MRPS27: variants seen among roughly 807,000 people sequenced by gnomAD.
MRPS27 encodes small ribosomal subunit protein mS27.
Under a neutral mutation model 48.9 loss-of-function variants are expected in MRPS27, and 43 were observed. The observed-to-expected ratio is 0.88, with a 90% CI of 0.69 to 1.13. The LOEUF is 1.13. Ranked by LOEUF, MRPS27 falls within the 50% of genes most tolerant of loss-of-function variation. The pLI is 0.00. For synonymous variants in MRPS27, 188 were observed against 171.9 expected (o/e 1.09, Z -0.73); for missense variants, 467 against 476.3 (o/e 0.98, Z 0.18).
intron 4 of MRPS27, among the ~76,000 whole-genome samples, chr5:72,247,719 C>T (rs1748544032): frequency 6.6e-6 from 1 of 152,174 alleles, no homozygotes; most frequent in Non-Finnish European, 1.5e-5. Context: ...CAGTGCAATT[C>T]ATCTTATATC....
At chr5:72,259,468 C>CA (rs11286212) in intron 4 of MRPS27, among the ~76,000 whole-genome samples, 7,506 of 127,728 alleles carry the variant, frequency 0.059, 285 homozygotes, top group African/African-American at 0.11. Context: ...AACTTCGTCT[C>CA]AAAAAAAAAA....
chr5:72,318,537 G>A (rs192649263), intron 1 of MRPS27, among the ~76,000 whole-genome samples: 4 of 152,364 alleles, frequency 2.6e-5, no homozygotes, highest in Admixed American at 6.5e-5. Flanking sequence ...GCTCACGCCC[G>A]TAATCCCAGC....
At chr5:72,250,105 G>A (rs952215430) in intron 4 of MRPS27, among the ~76,000 whole-genome samples, 4 of 152,200 alleles carry the variant, frequency 2.6e-5, no homozygotes, top group Admixed American at 6.5e-5. Flanking sequence ...ATATAACACT[G>A]ATTATTTCAT....
At chr5:72,265,344 G>C (rs1345152850) in intron 4 of MRPS27, among the ~76,000 whole-genome samples, 1 of 152,116 alleles carries the variant, frequency 6.6e-6, no homozygotes, top group East Asian at 1.9e-4. Flanking sequence ...ACAGGGTCTG[G>C]GCACTTAAGA....
intron 4 of MRPS27, chr5:72,294,904 A>G (rs1749935869): frequency 6.6e-6 from 1 of 152,166 alleles, no homozygotes; most frequent in Non-Finnish European, 1.5e-5. Flanking sequence ...GGAAATGCTC[A>G]TTGAAGCATT....
At chr5:72,278,463 A>T in intron 4 of MRPS27, among the ~76,000 whole-genome samples, 1 of 151,640 alleles carries the variant, frequency 6.6e-6, no homozygotes, top group Non-Finnish European at 1.5e-5. Context: ...AAAAAAAAAA[A>T]ATTTAAAGTC....
intron 2 of MRPS27, among the ~76,000 whole-genome samples, chr5:72,312,647 G>A (rs1436874534): frequency 2.0e-5 from 3 of 148,210 alleles, no homozygotes; most frequent in Non-Finnish European, 4.5e-5. Context: ...TTGAGATGGA[G>A]TCTTGCTCTG....
intron 3 of MRPS27, 73 bp downstream of exon 3, chr5:72,297,559 C>G (rs1368445488): frequency 1.6e-5 from 14 of 874,588 alleles, no homozygotes; most frequent in Non-Finnish European, 2.4e-5. Context: ...ATTTACACAG[C>G]CTCATCTACA....
intron 10 of MRPS27, among the ~76,000 whole-genome samples, chr5:72,223,076 C>T (rs1288257247): frequency 5.9e-5 from 9 of 152,158 alleles, no homozygotes; most frequent in East Asian, 5.8e-4. Context: ...ACACTGAACA[C>T]GGTTCTTTCC....
chr5:72,278,634 T>C (rs879873601), intron 4 of MRPS27, among the ~76,000 whole-genome samples: 4 of 152,148 alleles, frequency 2.6e-5, no homozygotes, highest in Non-Finnish European at 4.4e-5. Context: ...ATGTTTTTTA[T>C]ACCCTTCACT....
intron 4 of MRPS27, among the ~76,000 whole-genome samples, chr5:72,252,507 T>C (rs182653229): frequency 1.9e-3 from 291 of 152,328 alleles, no homozygotes; most frequent in Non-Finnish European, 3.4e-3. Flanking sequence ...AAGTACTTTA[T>C]ATACATTTTC....
intron 5 of MRPS27, among the ~76,000 whole-genome samples, chr5:72,235,178 C>T (rs1748167914): frequency 1.3e-5 from 2 of 152,016 alleles, no homozygotes; most frequent in South Asian, 4.1e-4. Context: ...TAGCTCATGG[C>T]CAGTGTCTAT....
intron 9 of MRPS27, 129 bp from the exon 10 acceptor site, chr5:72,223,979 A>C: frequency 1.1e-6 from 1 of 898,058 alleles, no homozygotes; most frequent in Non-Finnish European, 1.6e-6. Context: ...TTCTCTTATA[A>C]AATTGTAGGA....
chr5:72,248,168 A>G (rs913866285), intron 4 of MRPS27, among the ~76,000 whole-genome samples: 4 of 152,196 alleles, frequency 2.6e-5, no homozygotes, highest in Admixed American at 2.0e-4. Flanking sequence ...CATACCAAAA[A>G]CCAAATTTTT....
rs548597761 is a variant in MRPS27, at chr5:72,267,209, G to A, written c.281+28322C>T. 7.2e-5 allele frequency among the ~76,000 whole-genome samples: 11 copies of A among 152,300 alleles called. 1 individual carries two copies. The South Asian group carries it at 2.3e-3, about 32-fold the overall frequency. ...CGGAGTCTTCCAATTCCAATCTAGTGCTTACTGCTAACCACATGACTTCTC... is the reference window on the plus strand; with the variant it reads ...CGGAGTCTTCCAATTCCAATCTAGTACTTACTGCTAACCACATGACTTCTC... On this transcript the variant is annotated intron_variant, in intron 4 of 10. Transcript: ENST00000261413.
intron 3 of MRPS27, among the ~76,000 whole-genome samples, chr5:72,296,928 C>T (rs1382683568): frequency 6.6e-6 from 1 of 152,068 alleles, no homozygotes; most frequent in African/African-American, 2.4e-5. Flanking sequence ...ATCTCATTGC[C>T]CAATGTCATG....
chr5:72,308,158 A>G (rs1750329168), intron 2 of MRPS27, among the ~76,000 whole-genome samples: 1 of 152,088 alleles, frequency 6.6e-6, no homozygotes, highest in South Asian at 2.1e-4. Context: ...GCGCTGGGAA[A>G]CTGCCCTCAC....
intron 4 of MRPS27, chr5:72,241,685 C>T: frequency 1.3e-6 from 2 of 1,535,506 alleles, no homozygotes; most frequent in East Asian, 4.9e-5. Context: ...AGCATTCTCC[C>T]TTTCTGTCAG....
chr5:72,270,700 T>C (rs1201187665), intron 4 of MRPS27, among the ~76,000 whole-genome samples: 1 of 152,128 alleles, frequency 6.6e-6, no homozygotes, highest in Non-Finnish European at 1.5e-5. Context: ...CAAGGCAACA[T>C]AAGCAAAGAA....
Sources: gnomAD v4.1 joint callset for allele counts (sites outside exome capture counted in the v4.1 genomes callset) on GRCh38, gnomAD v4.1.1 for gene constraint, MANE v1.5 for transcripts, NCBI Gene and HGNC (gene_info 2026-07-23, HGNC 2026-07-21) for gene names.